The following BTBD9 variants were observed in gnomAD, a reference collection of about 807,000 sequenced individuals.
The protein encoded by BTBD9 is BTB domain containing 9.
A neutral mutation model predicts 64.3 loss-of-function variants in BTBD9; 49 were observed. That is an observed-to-expected ratio of 0.76 (90% CI 0.61 to 0.97). The LOEUF (loss-of-function observed/expected upper bound fraction) is 0.97. Ranked by LOEUF, BTBD9 falls within the 50% of genes least tolerant of loss-of-function variation. The pLI is 0.00. For missense variants in BTBD9, 598 were observed against 762.1 expected (o/e 0.78, Z 2.53); for synonymous variants, 260 against 274.7 (o/e 0.95, Z 0.53).
chr6:38,242,300 A>G (rs1764018948), intron 9 of BTBD9, among the ~76,000 whole-genome samples: 1 of 152,120 alleles, frequency 6.6e-6, no homozygotes, highest in Admixed American at 6.5e-5. Flanking sequence ...TCCATCCCAT[A>G]CTCTGATAAT....
At chr6:38,234,563 T>C (rs1763716573) in intron 9 of BTBD9, among the ~76,000 whole-genome samples, 1 of 152,238 alleles carries the variant, frequency 6.6e-6, no homozygotes, top group Admixed American at 6.5e-5. Flanking sequence ...ATCCATTATA[T>C]TTTATGTCTT....
chr6:38,193,322 C>T (rs1014107102), intron 9 of BTBD9, among the ~76,000 whole-genome samples: 19 of 152,164 alleles, frequency 1.2e-4, no homozygotes, highest in African/African-American at 3.9e-4. Flanking sequence ...GGGGGTCCTG[C>T]ACCACCCTCT....
intron 7 of BTBD9, among the ~76,000 whole-genome samples, chr6:38,299,305 T>C (rs9366951): frequency 0.099 from 15,031 of 152,158 alleles, 1,764 homozygotes; most frequent in East Asian, 0.41. Flanking sequence ...TGAATAGTGC[T>C]GCAATAAACA....
intron 6 of BTBD9, among the ~76,000 whole-genome samples, chr6:38,562,164 T>C (rs939437600): frequency 3.9e-5 from 6 of 152,224 alleles, no homozygotes; most frequent in Admixed American, 1.3e-4. Context: ...GTCTTGAAGA[T>C]AGCACAGGAA....
At chr6:38,250,240 A>T (rs1182483385) in intron 9 of BTBD9, among the ~76,000 whole-genome samples, 1 of 152,242 alleles carries the variant, frequency 6.6e-6, no homozygotes, top group Non-Finnish European at 1.5e-5. Flanking sequence ...ATAGGAAAGA[A>T]GAAGAAATTT....
At chr6:38,572,308 A>C (rs1775805998) in intron 6 of BTBD9, among the ~76,000 whole-genome samples, 1 of 152,136 alleles carries the variant, frequency 6.6e-6, no homozygotes, top group African/African-American at 2.4e-5. Context: ...TGAATGGGTG[A>C]GTGACGAATG....
intron 6 of BTBD9, among the ~76,000 whole-genome samples, chr6:38,516,357 T>A (rs1773025384): frequency 6.6e-6 from 1 of 152,100 alleles, no homozygotes; most frequent in South Asian, 2.1e-4. Context: ...ATAGAGCTAC[T>A]GTGACTTTAT....
chr6:38,602,327 T>C (rs1373683085), intron 1 of BTBD9, among the ~76,000 whole-genome samples: 6 of 152,060 alleles, frequency 3.9e-5, no homozygotes, highest in Non-Finnish European at 4.4e-5. Context: ...TGAAGGCCCA[T>C]TTAAAGAGAA....
intron 9 of BTBD9, among the ~76,000 whole-genome samples, chr6:38,206,369 T>A (rs1374738695): frequency 6.6e-5 from 10 of 151,732 alleles, no homozygotes; most frequent in African/African-American, 2.2e-4. Flanking sequence ...GCCTCCCAAG[T>A]AGCTGGGATT....
At chr6:38,181,944 C>T (rs1396062670) in intron 10 of BTBD9, among the ~76,000 whole-genome samples, 2 of 152,082 alleles carry the variant, frequency 1.3e-5, no homozygotes, top group African/African-American at 2.4e-5. Flanking sequence ...GCCGAGATCG[C>T]GCCACTGCAC....
intron 6 of BTBD9, among the ~76,000 whole-genome samples, chr6:38,572,620 T>A (rs1362651701): frequency 6.6e-6 from 1 of 152,150 alleles, no homozygotes; most frequent in Admixed American, 6.5e-5. Flanking sequence ...TATGCTAGAA[T>A]CCAGCTCATC....
rs1775377205 is a variant in BTBD9 at position 38,564,143 on chromosome 6, C to T, written c.1154+13457G>A. Among the ~76,000 whole-genome samples, 2 of 152,162 alleles carry T rather than the reference C, an allele frequency of 1.3e-5. 1 individual carries two copies. The highest frequency in any genetic ancestry group is 4.1e-4 in the South Asian group (2 of 4,826). Reference sequence around the variant, plus strand: ...AAGATCTCTTCCCTGAAGGACCTCCCCTGACTCCCCAGTTTAAACTGTATT... The same window carrying T: ...AAGATCTCTTCCCTGAAGGACCTCCTCTGACTCCCCAGTTTAAACTGTATT... On this transcript the variant is annotated intron_variant, in intron 6 of 10. Coordinates refer to ENST00000481247, the MANE Select transcript of BTBD9 (RefSeq NM_001099272.2).
chr6:38,365,987 TA>T, intron 6 of BTBD9, among the ~76,000 whole-genome samples: 1 of 152,228 alleles, frequency 6.6e-6, no homozygotes, highest in Non-Finnish European at 1.5e-5. Context: ...ATTTCCATGT[TA>T]ACTGGATGCT....
At chr6:38,194,038 G>C (rs1453601126) in intron 9 of BTBD9, among the ~76,000 whole-genome samples, 1 of 152,100 alleles carries the variant, frequency 6.6e-6, no homozygotes, top group Non-Finnish European at 1.5e-5. Flanking sequence ...GACGCCATCT[G>C]ACCATGCCCA....
At chr6:38,587,225 C>T (rs537059503) in intron 4 of BTBD9, 10 of 218,922 alleles carry the variant, frequency 4.6e-5, no homozygotes, top group South Asian at 2.3e-4. Context: ...GGCCTGACAT[C>T]GGCCCAGTCA....
At chr6:38,219,582 A>G (rs1311236061) in intron 9 of BTBD9, among the ~76,000 whole-genome samples, 3 of 152,180 alleles carry the variant, frequency 2.0e-5, no homozygotes, top group Non-Finnish European at 4.4e-5. Flanking sequence ...GTTGTCATGC[A>G]TCTTACCTGA....
intron 10 of BTBD9, among the ~76,000 whole-genome samples, chr6:38,183,099 C>T (rs921472988): frequency 6.6e-6 from 1 of 151,976 alleles, no homozygotes; most frequent in South Asian, 2.1e-4. Context: ...CCTGCCTCAG[C>T]CTCCTGAGTA....
intron 10 of BTBD9, 34 bp from the exon 11 acceptor site, chr6:38,175,216 A>G: frequency 6.2e-7 from 1 of 1,611,828 alleles, no homozygotes; most frequent in East Asian, 2.2e-5. Flanking sequence ...CCATGAGTGA[A>G]GGGTCAGCAT....
intron 1 of BTBD9, among the ~76,000 whole-genome samples, chr6:38,631,730 T>C (rs1778369884): frequency 6.6e-6 from 1 of 152,208 alleles, no homozygotes; most frequent in African/African-American, 2.4e-5. Context: ...ATGACTGCTA[T>C]AGCAATGGTC....
Sources: gnomAD v4.1 joint callset for allele counts (sites outside exome capture counted in the v4.1 genomes callset) on GRCh38, gnomAD v4.1.1 for gene constraint, MANE v1.5 for transcripts, NCBI Gene and HGNC (gene_info 2026-07-23, HGNC 2026-07-21) for gene names.